Variants in DPP10 observed in about 807,000 individuals in gnomAD.
The protein encoded by DPP10 is dipeptidyl peptidase like 10, also known as inactive dipeptidyl peptidase 10.
A neutral mutation model predicts 120.9 loss-of-function variants in DPP10; 33 were observed. That is an observed-to-expected ratio of 0.27 (90% CI 0.21 to 0.37). The LOEUF is 0.37. Among genes scored for constraint, DPP10 ranks in the 10% least tolerant of loss-of-function variants. The probability of loss-of-function intolerance (pLI) is 1.00; values close to 1 mark genes in which losing one functional copy is unlikely to be tolerated. For missense variants in DPP10, 816 were observed against 942.8 expected, an observed-to-expected ratio of 0.87 and a Z score of 1.76; for synonymous variants, 337 against 326.1, an observed-to-expected ratio of 1.03 and a Z score of -0.36.
rs116340013 is a variant in DPP10 at position 114,820,839 on chromosome 2, T to C, written c.60+378001T>C. Among the ~76,000 whole-genome samples the C allele has an allele frequency of 6.0e-3, 921 of 152,316 alleles. 16 individuals carry two copies. The highest frequency in any genetic ancestry group is 0.021 in the African/African-American group (883 of 41,564). Reference sequence around the variant, plus strand: ...TTTGGGTGGGTGCACAGCCAAACCATATCATTCTTCCCCTGGACCCTCCCA... The same window carrying C: ...TTTGGGTGGGTGCACAGCCAAACCACATCATTCTTCCCCTGGACCCTCCCA... On this transcript the variant is annotated intron_variant, in intron 1 of 25. Transcript: ENST00000410059.
chr2:115,233,967 C>T, intron 1 of DPP10: 1 of 518,146 alleles, frequency 1.9e-6, no homozygotes, highest in Non-Finnish European at 3.9e-6. Flanking sequence ...AGAGATAAAT[C>T]AGCCTTCAAA....
rs75700342 is a variant in DPP10 at position 114,742,035 on chromosome 2, T to C, written c.60+299197T>C. Reference sequence around the variant, plus strand: ...CCTAAAGAGCCAACATCTCAAAAATTTTACCTTTCATAAGTGCAGATGTAC... The same window carrying C: ...CCTAAAGAGCCAACATCTCAAAAATCTTACCTTTCATAAGTGCAGATGTAC... On this transcript the variant is annotated intron_variant, in intron 1 of 25. Transcript: ENST00000410059. 5.1e-3 allele frequency among the ~76,000 whole-genome samples: 784 copies of C among 152,288 alleles called. 5 individuals carry two copies. The highest frequency in any genetic ancestry group is 0.01 in the Middle Eastern group (3 of 294).
intron 1 of DPP10, among the ~76,000 whole-genome samples, chr2:115,088,444 T>C (rs745683930): frequency 6.6e-6 from 1 of 152,118 alleles, no homozygotes; most frequent in Non-Finnish European, 1.5e-5. Context: ...CTTTTTTTCT[T>C]TTATTTTCTC....
chr2:115,573,310 T>C (rs1575213805), intron 5 of DPP10, among the ~76,000 whole-genome samples: 1 of 126,134 alleles, frequency 7.9e-6, no homozygotes, highest in East Asian at 2.3e-4. Flanking sequence ...TGAGAAGGAG[T>C]CTTGCTCTGT....
intron 1 of DPP10, among the ~76,000 whole-genome samples, chr2:115,012,138 G>A (rs974402171): frequency 6.6e-5 from 10 of 152,166 alleles, no homozygotes; most frequent in East Asian, 1.9e-4. Context: ...AGCAAGCCCC[G>A]CCCAAGGAGA....
At chr2:114,449,226 C>T (rs1232401801) in intron 1 of DPP10, among the ~76,000 whole-genome samples, 1 of 152,108 alleles carries the variant, frequency 6.6e-6, no homozygotes, top group African/African-American at 2.4e-5. Context: ...AGCCTTTCTC[C>T]TTGCCTTTAT....
intron 5 of DPP10, among the ~76,000 whole-genome samples, chr2:115,613,509 T>C (rs1186886833): frequency 1.3e-5 from 2 of 152,216 alleles, no homozygotes; most frequent in Non-Finnish European, 2.9e-5. Flanking sequence ...ACATCACTAC[T>C]GCCTCTCCAC....
chr2:115,192,463 G>T lies in DPP10; in HGVS notation c.61-116776G>T, dbSNP rs531885252. On this transcript the variant is annotated intron_variant, in intron 1 of 25. Transcript: ENST00000410059. ...AACTCTGAGGACTGCATCACACATG[G>T]CTTGGGGCCCCCAGTGGGTCCCTTG... 2.0e-5 allele frequency among the ~76,000 whole-genome samples: 3 copies of T among 152,324 alleles called. No homozygotes were observed. The East Asian group carries it at 5.8e-4, about 29-fold the overall frequency.
intron 1 of DPP10, among the ~76,000 whole-genome samples, chr2:114,549,521 C>T (rs945009290): frequency 1.3e-5 from 2 of 151,858 alleles, no homozygotes; most frequent in African/African-American, 2.4e-5. Flanking sequence ...ATTATCTGGG[C>T]ATAGTGGTGC....
intron 1 of DPP10, among the ~76,000 whole-genome samples, chr2:115,245,485 T>C (rs893800854): frequency 6.6e-6 from 1 of 152,020 alleles, no homozygotes. Flanking sequence ...ATAATAGATA[T>C]TGGCATGGAT....
At chr2:115,093,402 C>T (rs1223207426) in intron 1 of DPP10, among the ~76,000 whole-genome samples, 1 of 151,856 alleles carries the variant, frequency 6.6e-6, no homozygotes, top group African/African-American at 2.4e-5. Context: ...TTACTTTGTA[C>T]AATTATAAAA....
At chr2:115,640,092 G>T (rs1575414272) in intron 5 of DPP10, among the ~76,000 whole-genome samples, 1 of 151,892 alleles carries the variant, frequency 6.6e-6, no homozygotes, top group Non-Finnish European at 1.5e-5. Flanking sequence ...TGTACCCTTT[G>T]AGTGTTGAAT....
intron 1 of DPP10, among the ~76,000 whole-genome samples, chr2:115,189,244 T>G (rs1573946777): frequency 6.6e-6 from 1 of 152,108 alleles, no homozygotes; most frequent in Admixed American, 6.5e-5. Flanking sequence ...GACCACACAG[T>G]CTAAGCTAAT....
At chr2:114,942,316 T>C (rs1380185763) in intron 1 of DPP10, among the ~76,000 whole-genome samples, 41 of 125,016 alleles carry the variant, frequency 3.3e-4, no homozygotes, top group Admixed American at 5.4e-4. Flanking sequence ...TATATATATA[T>C]ATATACACAC....
At chr2:115,429,055 A>G (rs2070740806) in intron 3 of DPP10, among the ~76,000 whole-genome samples, 1 of 152,152 alleles carries the variant, frequency 6.6e-6, no homozygotes, top group South Asian at 2.1e-4. Flanking sequence ...GAAGAAATGT[A>G]CAGAAGGGAG....
At chr2:115,621,516 A>C (rs1217176613) in intron 5 of DPP10, among the ~76,000 whole-genome samples, 1 of 152,144 alleles carries the variant, frequency 6.6e-6, no homozygotes, top group African/African-American at 2.4e-5. Context: ...CAGGCCTTTC[A>C]CTTTCTGTAA....
chr2:114,743,224 T>C (rs1348532168), intron 1 of DPP10, among the ~76,000 whole-genome samples: 1 of 152,214 alleles, frequency 6.6e-6, no homozygotes, highest in Non-Finnish European at 1.5e-5. Context: ...CTTTCAGGCT[T>C]TCAACATTTA....
chr2:115,829,063 A>G (rs934673226), intron 21 of DPP10, among the ~76,000 whole-genome samples: 4 of 152,124 alleles, frequency 2.6e-5, no homozygotes, highest in African/African-American at 9.7e-5. Context: ...TGAAGTTCTA[A>G]AACTTGGCAA....
At chr2:115,522,694 G>A (rs1357537400) in intron 4 of DPP10, among the ~76,000 whole-genome samples, 4 of 152,028 alleles carry the variant, frequency 2.6e-5, no homozygotes, top group South Asian at 2.1e-4. Flanking sequence ...TTTGGATGTC[G>A]AAAACTGGAC....
Sources: allele counts gnomAD v4.1 joint callset (sites outside exome capture counted in the v4.1 genomes callset), GRCh38; gene constraint gnomAD v4.1.1; transcripts MANE v1.5; gene names NCBI Gene and HGNC (gene_info 2026-07-23, HGNC 2026-07-21).